Variants in ARID2 observed in about 807,000 individuals in gnomAD.
ARID2 encodes AT-rich interactive domain-containing protein 2.
ARID2 carries 32 observed loss-of-function variants against 184.6 expected under a neutral mutation model. The observed-to-expected ratio is 0.17, with a 90% CI of 0.13 to 0.23. ARID2 has a LOEUF of 0.23. ARID2 is among the 10% of genes least tolerant of loss of function. The probability of loss-of-function intolerance (pLI) is 1.00; values close to 1 mark genes in which losing one functional copy is unlikely to be tolerated. For missense variants in ARID2, 1,696 were observed against 2,197.6 expected, an observed-to-expected ratio of 0.77 and a Z score of 4.56; for synonymous variants, 836 against 772.6, an observed-to-expected ratio of 1.08 and a Z score of -1.36.
At chr12:45,899,941 C>T (rs1944436017) in intron 20 of ARID2, among the ~76,000 whole-genome samples, 1 of 151,934 alleles carries the variant, frequency 6.6e-6, no homozygotes, top group Admixed American at 6.6e-5. Flanking sequence ...CTTCTTCCCA[C>T]TTTACTTTTA....
chr12:45,744,544 A>C (rs979246524), intron 3 of ARID2, among the ~76,000 whole-genome samples: 2 of 152,184 alleles, frequency 1.3e-5, no homozygotes, highest in African/African-American at 4.8e-5. Context: ...AGTGCTGATA[A>C]ATTTGGAGGA....
At chr12:45,797,712 G>T (rs1942415940) in intron 3 of ARID2, among the ~76,000 whole-genome samples, 1 of 151,512 alleles carries the variant, frequency 6.6e-6, no homozygotes, top group Non-Finnish European at 1.5e-5. Flanking sequence ...ATGGCATGAG[G>T]TAAAAAAAAT....
intron 3 of ARID2, among the ~76,000 whole-genome samples, chr12:45,748,804 C>A (rs190114315): frequency 3.9e-5 from 6 of 152,224 alleles, no homozygotes; most frequent in Admixed American, 3.3e-4. Flanking sequence ...AAACCATTTT[C>A]TTTGCTCATC....
At chr12:45,751,370 G>T (rs1000368564) in intron 3 of ARID2, among the ~76,000 whole-genome samples, 2 of 152,154 alleles carry the variant, frequency 1.3e-5, no homozygotes, top group African/African-American at 2.4e-5. Context: ...GGAAAGCAGT[G>T]GAGATGAATA....
At chr12:45,804,940 A>G (rs1942573814) in intron 3 of ARID2, among the ~76,000 whole-genome samples, 1 of 152,080 alleles carries the variant, frequency 6.6e-6, no homozygotes, top group Non-Finnish European at 1.5e-5. Context: ...ATTATAATGT[A>G]TTCTTCTGAA....
At chr12:45,736,616 A>G (rs557654314) in intron 3 of ARID2, among the ~76,000 whole-genome samples, 56 of 152,314 alleles carry the variant, frequency 3.7e-4, no homozygotes, top group Admixed American at 8.5e-4. Flanking sequence ...TAGAGGATAA[A>G]TGGAGCAGAC....
chr12:45,736,029 T>C (rs1357284814), intron 3 of ARID2, among the ~76,000 whole-genome samples: 1 of 152,258 alleles, frequency 6.6e-6, no homozygotes, highest in Non-Finnish European at 1.5e-5. Context: ...ATTTTCATAG[T>C]TGATCGTGTG....
At chr12:45,903,015 A>G (rs192870682) in intron 20 of ARID2, among the ~76,000 whole-genome samples, 28 of 152,314 alleles carry the variant, frequency 1.8e-4, no homozygotes, top group East Asian at 5.8e-4. Context: ...AAATAGAGCA[A>G]TATCAGTTGA....
chr12:45,889,853 G>T lies in ARID2; in HGVS notation c.4923-1927G>T, dbSNP rs142587352. 2.6e-5 allele frequency among the ~76,000 whole-genome samples: 4 copies of T among 152,314 alleles called. No homozygotes were observed. In the East Asian group the frequency reaches 7.7e-4, roughly 29 times the overall value. On this transcript the variant is annotated intron_variant, in intron 16 of 20. Transcript: ENST00000334344. ...CTTGGGAGGCTGAGGCAGGAGAATC[G>T]CTTGAACCCGGGAGGCAGAAGTTGC... is the stretch of plus-strand genomic sequence containing the variant.
intron 20 of ARID2, among the ~76,000 whole-genome samples, chr12:45,896,843 T>C (rs554080383): frequency 6.6e-6 from 1 of 152,334 alleles, no homozygotes; most frequent in Non-Finnish European, 1.5e-5. Flanking sequence ...AATTTGGGGA[T>C]GTTTTTCTTT....
chr12:45,782,951 A>G (rs1272586678), intron 3 of ARID2, among the ~76,000 whole-genome samples: 2 of 152,004 alleles, frequency 1.3e-5, no homozygotes, highest in Non-Finnish European at 2.9e-5. Flanking sequence ...TCTACTAAAA[A>G]TGCAAAATAA....
intron 3 of ARID2, among the ~76,000 whole-genome samples, chr12:45,796,751 G>C (rs1287142166): frequency 2.6e-5 from 4 of 152,106 alleles, no homozygotes; most frequent in African/African-American, 7.2e-5. Flanking sequence ...AACCTTAAGT[G>C]ATCTGCCCAC....
intron 3 of ARID2, among the ~76,000 whole-genome samples, chr12:45,751,006 G>A (rs868800295): frequency 2.6e-5 from 4 of 152,098 alleles, no homozygotes; most frequent in African/African-American, 4.8e-5. Context: ...AATTGATCAC[G>A]TATCTTGTGC....
intron 3 of ARID2, among the ~76,000 whole-genome samples, chr12:45,733,054 A>G (rs1941032851): frequency 6.6e-6 from 1 of 152,130 alleles, no homozygotes; most frequent in Non-Finnish European, 1.5e-5. Context: ...TTTTGCTCTT[A>G]TTAGAAGCTG....
At chr12:45,886,385 C>CT (rs888914311) in intron 16 of ARID2, among the ~76,000 whole-genome samples, 274 of 152,262 alleles carry the variant, frequency 1.8e-3, no homozygotes, top group Middle Eastern at 0.01. Context: ...GTGCCCCCCC[C>CT]GGTCAGCTGC....
At chr12:45,753,392 C>T (rs1448983555) in intron 3 of ARID2, among the ~76,000 whole-genome samples, 1 of 152,160 alleles carries the variant, frequency 6.6e-6, no homozygotes, top group Non-Finnish European at 1.5e-5. Flanking sequence ...TCAGATTTCA[C>T]CTTCTCCATT....
chr12:45,879,123 C>G (rs1944058716), intron 16 of ARID2, among the ~76,000 whole-genome samples: 2 of 152,120 alleles, frequency 1.3e-5, no homozygotes, highest in Admixed American at 1.3e-4. Context: ...ATTCTATAAT[C>G]TTATGATTAA....
chr12:45,819,067 G>T (rs540109978), intron 5 of ARID2, among the ~76,000 whole-genome samples: 1 of 152,184 alleles, frequency 6.6e-6, no homozygotes, highest in East Asian at 1.9e-4. Context: ...TTGTAGAATG[G>T]AGTTGAAAAT....
chr12:45,766,794 G>A lies in ARID2; in HGVS notation c.284+35480G>A, dbSNP rs369711912. Among the ~76,000 whole-genome samples, 19 of 152,232 alleles carry A rather than the reference G, an allele frequency of 1.2e-4. No homozygotes were observed. In the South Asian group the frequency reaches 3.7e-3, roughly 30 times the overall value. Reference sequence around the variant, plus strand: ...CTCCCAGAGTGCTGGGATTACAGGCGTGAGCCACCGCGCCCAGCCGGCATA... The same window carrying A: ...CTCCCAGAGTGCTGGGATTACAGGCATGAGCCACCGCGCCCAGCCGGCATA... On this transcript the variant is annotated intron_variant, in intron 3 of 20. Transcript: ENST00000334344.
Sources: allele counts gnomAD v4.1 joint callset (sites outside exome capture counted in the v4.1 genomes callset), GRCh38; gene constraint gnomAD v4.1.1; transcripts MANE v1.5; gene names NCBI Gene and HGNC (gene_info 2026-07-23, HGNC 2026-07-21).